The following JCAD variants were observed in gnomAD, a reference collection of about 807,000 sequenced individuals.
JCAD encodes the protein junctional cadherin 5 associated.
In JCAD, 40 loss-of-function variants were observed where a neutral mutation model predicts 98.0. The ratio of observed to expected loss-of-function variants is 0.41; its 90% confidence interval spans 0.32 to 0.53. The LOEUF (loss-of-function observed/expected upper bound fraction) is 0.53. JCAD is among the 20% of genes least tolerant of loss of function. The pLI is 0.31. For synonymous variants in JCAD, 691 were observed against 682.3 expected (o/e 1.01, Z -0.20); for missense variants, 1,705 against 1,738.1 (o/e 0.98, Z 0.34).
At chr10:30,036,933 G>C (rs1837124182) in intron 2 of JCAD, among the ~76,000 whole-genome samples, 1 of 152,236 alleles carries the variant, frequency 6.6e-6, no homozygotes, top group Non-Finnish European at 1.5e-5. Flanking sequence ...ACCAGTGGAT[G>C]GTCATGACAC....
intron 3 of JCAD, among the ~76,000 whole-genome samples, chr10:30,021,098 C>T (rs866939406): frequency 3.3e-4 from 50 of 152,130 alleles, no homozygotes; most frequent in African/African-American, 1.2e-3. Flanking sequence ...GTGCCAGGCA[C>T]ACTAGAGACA....
chr10:30,019,227 C>T (rs1458443089), intron 3 of JCAD, among the ~76,000 whole-genome samples: 2 of 151,708 alleles, frequency 1.3e-5, no homozygotes, highest in Admixed American at 1.3e-4. Flanking sequence ...CATGGTGGTA[C>T]GTGCCTGTAA....
At chr10:30,047,231 G>T (rs905077206) in intron 2 of JCAD, among the ~76,000 whole-genome samples, 1 of 152,190 alleles carries the variant, frequency 6.6e-6, no homozygotes, top group Non-Finnish European at 1.5e-5. Flanking sequence ...AATTAGCCAG[G>T]TGTGGTGGCA....
At chr10:30,099,479 TTAG>T (rs1178506875) in intron 1 of JCAD, among the ~76,000 whole-genome samples, 9 of 152,238 alleles carry the variant, frequency 5.9e-5, no homozygotes, top group Admixed American at 3.9e-4. Context: ...ACTCTCCTCT[TTAG>T]TAAGTGTTTG....
chr10:30,029,315 C>G lies in JCAD; in HGVS notation c.833G>C (p.Ser278Thr), dbSNP rs1836932608. The G allele has an allele frequency of 6.2e-7, 1 of 1,614,034 alleles. No homozygotes were observed. The highest frequency in any genetic ancestry group is 1.3e-5 in the African/African-American group (1 of 74,914). Residue 278 changes from serine (S) to threonine (T), a missense_variant, in exon 3 of 4, where the codon AGT (serine) becomes ACT (threonine). Around this residue, in one of 3 missense-constraint regions of JCAD, gnomAD observed 275 missense variants for 346.9 expected, o/e 0.79. Coordinates refer to ENST00000375377, the MANE Select transcript of JCAD (RefSeq NM_020848.4). ...CCGGGGAAATGGGGCTGAGCAGCCA[C>G]TCTTCTCAGAATTCCTCGTGGAGTC... ...NLDSTRNSEK[S>T]GCSAPFPRPK...
At position 30,027,586 on chromosome 10, in the gene JCAD, GCTGCTGCTGCTA is replaced by G. The variant is rs1321090953; in HGVS notation, c.2550_2561del (p.Ser856_Ser859del). On this transcript the variant is annotated inframe_deletion, in exon 3 of 4. Coordinates refer to ENST00000375377, the MANE Select transcript of JCAD (RefSeq NM_020848.4). ...CACTCTCCTCACTGCTGCTGCTGCT[GCTGCTGCTGCTA>G]CTGCTGCTTTCTTCCTCTTCCTGGA... is the stretch of plus-strand genomic sequence containing the variant. 3.1e-6 allele frequency: 5 copies of G among 1,614,134 alleles called. No individual in the cohort carries two copies. The highest frequency in any genetic ancestry group is 4.2e-6 in the Non-Finnish European group (5 of 1,180,008).
rs200470385 is a variant in JCAD at position 30,092,123 on chromosome 10, TATAAAA to T, written n.129-22308_129-22303del. Among the ~76,000 whole-genome samples, 333 of 111,202 alleles carry T rather than the reference TATAAAA, an allele frequency of 3.0e-3. 23 individuals carry two copies. The Middle Eastern group carries it at 0.059, about 20-fold the overall frequency. 73.0% of individuals were successfully genotyped at this position (111,202 alleles called of 152,430 possible). ...TTATATATATATATATATATATATATATAAAAAACATTTTAACTCTTTGCAAGAAGT... is the reference window on the plus strand; with the variant it reads ...TTATATATATATATATATATATATATAACATTTTAACTCTTTGCAAGAAGT... On this transcript the variant is annotated intron_variant and non_coding_transcript_variant, in intron 1 of 2. Transcript: ENST00000465712.
At chr10:30,040,040 T>C (rs1011840795) in intron 2 of JCAD, among the ~76,000 whole-genome samples, 63 of 152,350 alleles carry the variant, frequency 4.1e-4, no homozygotes, top group African/African-American at 1.3e-3. Flanking sequence ...GAAGCTCTGT[T>C]TGCTTGATCG....
intron 2 of JCAD, among the ~76,000 whole-genome samples, chr10:30,068,659 A>AC (rs1321752290): frequency 6.6e-6 from 1 of 152,126 alleles, no homozygotes. Context: ...GCCTTCATTA[A>AC]TCACAGGGCC....
At chr10:30,034,696 G>T (rs184856433) in intron 2 of JCAD, among the ~76,000 whole-genome samples, 1 of 152,034 alleles carries the variant, frequency 6.6e-6, no homozygotes, top group African/African-American at 2.4e-5. Context: ...CTGTGTGACC[G>T]CCCATCAGTA....
At chr10:30,092,604 G>C (rs1838303475) in intron 1 of JCAD, among the ~76,000 whole-genome samples, 2 of 152,178 alleles carry the variant, frequency 1.3e-5, no homozygotes, top group African/African-American at 4.8e-5. Context: ...GAGTCGCTTA[G>C]AGTCTTCCAC....
intron 1 of JCAD, among the ~76,000 whole-genome samples, chr10:30,097,138 C>G (rs1027580426): frequency 6.6e-6 from 1 of 152,136 alleles, no homozygotes; most frequent in African/African-American, 2.4e-5. Flanking sequence ...AATGCTCAAA[C>G]CAAATCTGCA....
intron 3 of JCAD, among the ~76,000 whole-genome samples, chr10:30,024,983 C>T (rs537305658): frequency 1.3e-5 from 2 of 152,294 alleles, no homozygotes; most frequent in South Asian, 2.1e-4. Context: ...GCTTGAGCCA[C>T]AGCACCCGGC....
intron 3 of JCAD, among the ~76,000 whole-genome samples, chr10:30,020,711 A>C (rs1836645173): frequency 6.6e-6 from 1 of 152,218 alleles, no homozygotes; most frequent in South Asian, 2.1e-4. Flanking sequence ...ACAATATAAG[A>C]CATTAATAGC....
intron 1 of JCAD, among the ~76,000 whole-genome samples, chr10:30,077,649 G>A (rs1400319585): frequency 6.6e-6 from 1 of 151,990 alleles, no homozygotes; most frequent in African/African-American, 2.4e-5. Flanking sequence ...ACCTCTTCTG[G>A]ATACCTCAGA....
chr10:30,100,075 G>A (rs545881698), intron 1 of JCAD, among the ~76,000 whole-genome samples: 22 of 151,678 alleles, frequency 1.5e-4, no homozygotes, highest in Admixed American at 4.6e-4. Flanking sequence ...GGGGCCATGT[G>A]TGTCAGGGAT....
intron 1 of JCAD, among the ~76,000 whole-genome samples, chr10:30,089,788 A>G (rs897601318): frequency 2.0e-5 from 3 of 152,172 alleles, no homozygotes; most frequent in African/African-American, 7.2e-5. Context: ...ATGAACAGCA[A>G]GGCTTTTCTG....
In JCAD at chr10:30,092,101, T is replaced by TAC. The variant is rs1564469972; in HGVS notation, n.129-22281_129-22280insGT. 9.0e-3 allele frequency among the ~76,000 whole-genome samples: 114 copies of TAC among 12,608 alleles called. 10 individuals carry two copies. The highest frequency in any genetic ancestry group is 0.021 in the African/African-American group (107 of 5,138). 8.3% of individuals were successfully genotyped at this position (12,608 alleles called of 152,430 possible). Reference sequence around the variant, plus strand: ...TATATATATATATAAAGTTACTTTATATATATATATATATATATATATATA... The same window carrying TAC: ...TATATATATATATAAAGTTACTTTATACATATATATATATATATATATATATA... On this transcript the variant is annotated intron_variant and non_coding_transcript_variant, in intron 1 of 2. Coordinates refer to the JCAD transcript ENST00000465712.
chr10:30,040,734 C>A (rs1261707945), intron 2 of JCAD, among the ~76,000 whole-genome samples: 1 of 152,194 alleles, frequency 6.6e-6, no homozygotes, highest in African/African-American at 2.4e-5. Flanking sequence ...GGCCCCATAG[C>A]TGCACAGCGG....
Sources: allele counts gnomAD v4.1 joint callset (sites outside exome capture counted in the v4.1 genomes callset), GRCh38; gene constraint gnomAD v4.1.1; regional missense constraint gnomAD v4.1.1; transcripts MANE v1.5; gene names NCBI Gene and HGNC (gene_info 2026-07-23, HGNC 2026-07-21).